IPO7: variants seen among roughly 807,000 people sequenced by gnomAD.
The protein encoded by IPO7 is importin 7.
A neutral mutation model predicts 136.4 loss-of-function variants in IPO7; 13 were observed. That is an observed-to-expected ratio of 0.10 (90% CI 0.06 to 0.15). The LOEUF (loss-of-function observed/expected upper bound fraction) is 0.15, where lower values mean the gene tolerates loss of function less well. IPO7 is among the 10% of genes least tolerant of loss of function. The pLI is 1.00. For missense variants in IPO7, 857 were observed against 1,240.6 expected (o/e 0.69, Z 4.65); for synonymous variants, 403 against 404.4 (o/e 1.00, Z 0.04).
At chr11:9,419,203 TGA>T (rs1256490054) in intron 6 of IPO7, among the ~76,000 whole-genome samples, 3 of 152,140 alleles carry the variant, frequency 2.0e-5, no homozygotes, top group South Asian at 2.1e-4. Flanking sequence ...TAGCGATGTA[TGA>T]GAGTGTTCAC....
chr11:9,404,346 T>A (rs1854845181), intron 2 of IPO7, among the ~76,000 whole-genome samples: 1 of 151,114 alleles, frequency 6.6e-6, no homozygotes, highest in Non-Finnish European at 1.5e-5. Context: ...GCGCCTGTAG[T>A]CCCAGCTACT....
chr11:9,399,680 C>G (rs1854766243), intron 1 of IPO7, among the ~76,000 whole-genome samples: 1 of 152,022 alleles, frequency 6.6e-6, no homozygotes, highest in South Asian at 2.1e-4. Flanking sequence ...GGCCTATGAC[C>G]AAGTCCTGGT....
Position 9,389,268 on chromosome 11 carries a change from C to T in IPO7, c.84+4421C>T, listed in dbSNP as rs1040868587. The stretch of plus-strand genomic sequence containing the variant: ...TTCGCCACATTGCCCAGGCTGGTCT[C>T]GAACTCCTGACCTTAAGTGATCCAC... On this transcript the variant is annotated intron_variant, in intron 1 of 24. Transcript: ENST00000379719. Among the ~76,000 whole-genome samples, 4 of 151,984 alleles carry T rather than the reference C, an allele frequency of 2.6e-5. No individual in the cohort carries two copies. In the East Asian group the frequency reaches 7.7e-4, roughly 29 times the overall value.
intron 1 of IPO7, among the ~76,000 whole-genome samples, chr11:9,399,499 A>G (rs1854763530): frequency 1.3e-5 from 2 of 152,148 alleles, no homozygotes; most frequent in African/African-American, 4.8e-5. Context: ...AATTGACAGG[A>G]CTTGATATAT....
At chr11:9,408,716 T>TG in intron 3 of IPO7, 77 bp downstream of exon 3, 3 of 1,022,318 alleles carry the variant, frequency 2.9e-6, no homozygotes, top group Non-Finnish European at 4.0e-6. Flanking sequence ...TTTTTTTTTT[T>TG]TTTTTTTTTT....
intron 20 of IPO7, among the ~76,000 whole-genome samples, chr11:9,436,869 T>TATATATATATATATATATA (rs1491472277): frequency 1.0e-3 from 14 of 13,594 alleles, no homozygotes; most frequent in Admixed American, 1.4e-3. Context: ...TATATATATA[T>TATATATATATATATATATA]TTTTTTTTTT....
At chr11:9,439,557 TGG>T (rs1009957838) in intron 22 of IPO7, among the ~76,000 whole-genome samples, 1 of 151,996 alleles carries the variant, frequency 6.6e-6, no homozygotes, top group African/African-American at 2.4e-5. Flanking sequence ...ACAAGATTTA[TGG>T]GGGTTTTTTT....
chr11:9,429,899 G>T, intron 15 of IPO7, 65 bp downstream of exon 15: 1 of 1,204,026 alleles, frequency 8.3e-7, no homozygotes, highest in Non-Finnish European at 1.2e-6. Context: ...GTTCCAGGTT[G>T]TGTCACCAGT....
chr11:9,433,097 G>C (rs1461823150), intron 16 of IPO7: 2 of 151,866 alleles, frequency 1.3e-5, no homozygotes, highest in African/African-American at 4.9e-5. Flanking sequence ...CAATTCTCCT[G>C]CCTCAGCTTC....
chr11:9,385,602 GT>G (rs756858144), intron 1 of IPO7, among the ~76,000 whole-genome samples: 21 of 152,270 alleles, frequency 1.4e-4, no homozygotes, highest in Non-Finnish European at 1.5e-4. Context: ...TTGATCCTGA[GT>G]TTTTCCCATT....
intron 1 of IPO7, among the ~76,000 whole-genome samples, chr11:9,388,201 G>A (rs1443260829): frequency 2.7e-5 from 4 of 150,676 alleles, no homozygotes; most frequent in African/African-American, 9.7e-5. Flanking sequence ...TTTTGAGACG[G>A]AGTCTTGCTC....
intron 18 of IPO7, among the ~76,000 whole-genome samples, chr11:9,434,653 C>T (rs960705693): frequency 3.3e-5 from 5 of 152,090 alleles, no homozygotes; most frequent in East Asian, 1.9e-4. Flanking sequence ...ATTAATCAGG[C>T]GAGGTGGCGT....
In IPO7 at chr11:9,442,169, T is replaced by C. The variant is rs769282241; in HGVS notation, c.2991T>C (p.Thr997=). 6.3e-7 allele frequency: 1 copy of C among 1,596,586 alleles called. No homozygotes were observed. Among genetic ancestry groups the C allele is most frequent in the South Asian group, 1.1e-5 (1 of 90,584 alleles). ...GAAAACAGTTACAGGACATAGCAACTCTGGCTGATCAAAGAAGAGCAGCCC... is the reference window on the plus strand; with the variant it reads ...GAAAACAGTTACAGGACATAGCAACCCTGGCTGATCAAAGAAGAGCAGCCC... ...EQRKQLQDIA[T]LADQRRAAHE... is the part of the protein sequence containing the mutation. The change falls in exon 24 of 25, where the codon ACT becomes ACC. Residue 997 remains threonine, a synonymous_variant. Coordinates refer to ENST00000379719, the MANE Select transcript of IPO7 (RefSeq NM_006391.3).
chr11:9,441,526 C>T (rs1855459612), intron 23 of IPO7, among the ~76,000 whole-genome samples: 1 of 152,154 alleles, frequency 6.6e-6, no homozygotes, highest in African/African-American at 2.4e-5. Flanking sequence ...TTTGAGTCTT[C>T]TAAGCCCATG....
intron 1 of IPO7, among the ~76,000 whole-genome samples, chr11:9,397,341 A>AAAAAATAATATATATATATATAT: frequency 9.3e-4 from 10 of 10,760 alleles, no homozygotes; most frequent in African/African-American, 2.5e-3. Context: ...TTTAAAAAAA[A>AAAAAATAATATATATATATATAT]ATATATATAT....
chr11:9,431,977 A>AAAAG (rs774362299), intron 16 of IPO7, among the ~76,000 whole-genome samples: 10 of 152,228 alleles, frequency 6.6e-5, no homozygotes, highest in Admixed American at 3.3e-4. Flanking sequence ...ACTGTGTCAG[A>AAAAG]AAAGAAAGAA....
intron 22 of IPO7, among the ~76,000 whole-genome samples, chr11:9,439,220 A>G (rs11601068): frequency 0.048 from 7,298 of 152,186 alleles, 244 homozygotes; most frequent in South Asian, 0.078. Context: ...GGTTCAAGCA[A>G]TTCTCCTGCC....
At chr11:9,402,399 CAAAAAAAAAA>C (rs71062846) in intron 1 of IPO7, among the ~76,000 whole-genome samples, 47 of 44,894 alleles carry the variant, frequency 1.0e-3, no homozygotes, top group South Asian at 3.4e-3. Flanking sequence ...GACTGTGTCT[CAAAAAAAAAA>C]AAAAAAAAAA....
At position 9,446,966 on chromosome 11, in the gene IPO7, G is replaced by T. The variant is rs1855538016; in HGVS notation, c.*1772G>T. On this transcript the variant is annotated 3_prime_UTR_variant, in exon 25 of 25. Transcript: ENST00000379719. ...ACTCCCCCCCGAAAATCCCCTGAAA[G>T]TTGGACACCAACTGTATACCCTAGG... 6.6e-6 allele frequency: 1 copy of T among 152,044 alleles called. No homozygotes were observed. The highest frequency in any genetic ancestry group is 2.1e-4 in the South Asian group (1 of 4,822). 9.4% of individuals were successfully genotyped at this position (152,044 alleles called of 1,614,324 possible).
Sources: allele counts gnomAD v4.1 joint callset (sites outside exome capture counted in the v4.1 genomes callset), GRCh38; gene constraint gnomAD v4.1.1; transcripts MANE v1.5; gene names NCBI Gene and HGNC (gene_info 2026-07-23, HGNC 2026-07-21).